Variants in FAM107B observed in about 807,000 individuals in gnomAD.
FAM107B encodes family with sequence similarity 107 member B.
A neutral mutation model predicts 31.5 loss-of-function variants in FAM107B; 21 were observed. The observed-to-expected ratio is 0.67, with a 90% CI of 0.47 to 0.96. The LOEUF (loss-of-function observed/expected upper bound fraction) is 0.96, where lower values mean the gene tolerates loss of function less well. FAM107B is among the 40% of genes least tolerant of loss of function. FAM107B has a pLI of 0.00. For missense variants in FAM107B, 452 were observed against 377.1 expected (o/e 1.20, Z -1.64); for synonymous variants, 157 against 141.5 (o/e 1.11, Z -0.78).
rs8563 is a variant in FAM107B, at chr10:14,519,501, G to A, written c.*1689C>T. ...TTCCATTCTTCGAAACCAAATTACT[G>A]TAGAGCAACAATTTTTCTTAAGCAT... On this transcript the variant is annotated 3_prime_UTR_variant, in exon 5 of 5. Coordinates refer to ENST00000181796, the MANE Select transcript of FAM107B (RefSeq NM_031453.4). The A allele has an allele frequency of 0.79, 120,109 of 152,182 alleles. 47,792 individuals are homozygous for A. Among genetic ancestry groups the A allele is most frequent in the South Asian group, 0.87 (4,226 of 4,830 alleles). 9.4% of individuals were successfully genotyped at this position (152,182 alleles called of 1,614,324 possible).
intron 1 of FAM107B, among the ~76,000 whole-genome samples, chr10:14,750,200 A>G (rs1290302193): frequency 1.3e-5 from 2 of 152,280 alleles, no homozygotes; most frequent in Non-Finnish European, 2.9e-5. Context: ...AGGTATCCCC[A>G]GAGACAACTG....
chr10:14,619,979 C>T (rs982206268), intron 2 of FAM107B, among the ~76,000 whole-genome samples: 1 of 149,966 alleles, frequency 6.7e-6, no homozygotes, highest in Admixed American at 6.7e-5. Flanking sequence ...ATCAGTTGAC[C>T]GTGTAAGTGT....
chr10:14,659,197 TTGGGAGGCTG>T (rs1181377874), intron 2 of FAM107B, among the ~76,000 whole-genome samples: 1 of 152,074 alleles, frequency 6.6e-6, no homozygotes, highest in Non-Finnish European at 1.5e-5. Context: ...TCCTAGCACT[TTGGGAGGCTG>T]AGGTGGGTGG....
chr10:14,693,677 T>C (rs1034842218), intron 1 of FAM107B, among the ~76,000 whole-genome samples: 4 of 152,146 alleles, frequency 2.6e-5, no homozygotes, highest in African/African-American at 9.7e-5. Context: ...ACAGTCTTCA[T>C]GTTGTACATA....
intron 1 of FAM107B, among the ~76,000 whole-genome samples, chr10:14,748,776 C>T (rs1275678944): frequency 6.6e-6 from 1 of 152,152 alleles, no homozygotes; most frequent in Admixed American, 6.5e-5. Context: ...CTGGTGACTC[C>T]ATTTCTATTG....
Position 14,730,237 on chromosome 10 carries a change from T to C in FAM107B, c.411+44016A>G, listed in dbSNP as rs1475131744. On this transcript the variant is annotated intron_variant, in intron 1 of 4. Coordinates refer to ENST00000181796, the MANE Select transcript of FAM107B (RefSeq NM_031453.4). ...TAAAAATATCTCTGAGGTGGTTTCA[T>C]ATCCGGAGATGGGAAATGGTCTGAG... 3.9e-5 allele frequency among the ~76,000 whole-genome samples: 6 copies of C among 152,226 alleles called. No homozygotes were observed. The East Asian group carries it at 1.2e-3, about 29-fold the overall frequency.
chr10:14,677,747 A>G (rs1437525366), intron 1 of FAM107B, among the ~76,000 whole-genome samples: 1 of 152,196 alleles, frequency 6.6e-6, no homozygotes, highest in Non-Finnish European at 1.5e-5. Flanking sequence ...GGGGTTCCCC[A>G]GGACGCAGGA....
At position 14,528,150 on chromosome 10, in the gene FAM107B, C is replaced by T. The variant is rs369622837; in HGVS notation, c.653+2182G>A. The stretch of plus-strand genomic sequence containing the variant: ...TTATTATGTTAAGCATTTTCATACA[C>T]GCTATTATTTACTTTAAGTTTTGGT... On this transcript the variant is annotated intron_variant, in intron 3 of 4. Coordinates refer to ENST00000181796, the MANE Select transcript of FAM107B (RefSeq NM_031453.4). The T allele has an allele frequency of 1.7e-3, 297 of 170,022 alleles. 2 individuals are homozygous for T. The highest frequency in any genetic ancestry group is 7.2e-3 in the African/African-American group (275 of 38,104). 10.5% of individuals were successfully genotyped at this position (170,022 alleles called of 1,614,324 possible).
intron 1 of FAM107B, among the ~76,000 whole-genome samples, chr10:14,695,250 A>G (rs971199695): frequency 7.9e-5 from 12 of 152,146 alleles, no homozygotes; most frequent in African/African-American, 2.9e-4. Context: ...CATTTACTGA[A>G]GAGACCCTCC....
intron 1 of FAM107B, among the ~76,000 whole-genome samples, chr10:14,751,196 G>T (rs996073225): frequency 1.3e-5 from 2 of 152,172 alleles, no homozygotes; most frequent in African/African-American, 4.8e-5. Context: ...CAGACACAAA[G>T]ACCCCACCCC....
At chr10:14,759,524 G>C (rs1832999988) in intron 1 of FAM107B, among the ~76,000 whole-genome samples, 1 of 152,106 alleles carries the variant, frequency 6.6e-6, no homozygotes, top group South Asian at 2.1e-4. Context: ...TTCTGTGTCT[G>C]ACTCTCCCAC....
At chr10:14,652,682 T>C (rs1853931914) in intron 2 of FAM107B, 1 of 152,212 alleles carries the variant, frequency 6.6e-6, no homozygotes, top group African/African-American at 2.4e-5. Flanking sequence ...AGCATTGTTA[T>C]TGCTATAGTA....
chr10:14,768,294 C>T (rs533593374), intron 1 of FAM107B, among the ~76,000 whole-genome samples: 2 of 152,188 alleles, frequency 1.3e-5, no homozygotes, highest in Non-Finnish European at 2.9e-5. Flanking sequence ...TAGAAAAATT[C>T]GTCCTAAAAT....
In FAM107B at chr10:14,745,994, GTA is replaced by G. The variant is rs141375789; in HGVS notation, c.411+28257_411+28258del. Among the ~76,000 whole-genome samples the G allele has an allele frequency of 2.6e-4, 39 of 151,494 alleles. No homozygotes were observed. In the South Asian group the frequency reaches 4.8e-3, roughly 19 times the overall value. ...GAATCTGGGTGCTCCTGTATTGAGT[GTA>G]TATATATATATGATAGCTCTTCTTG... On this transcript the variant is annotated intron_variant, in intron 1 of 4. Coordinates refer to ENST00000181796, the MANE Select transcript of FAM107B (RefSeq NM_031453.4).
chr10:14,606,788 G>C (rs990956555), intron 2 of FAM107B, among the ~76,000 whole-genome samples: 5 of 149,926 alleles, frequency 3.3e-5, no homozygotes, highest in African/African-American at 9.9e-5. Flanking sequence ...CAATGAAAAG[G>C]CCGCCAACTG....
At chr10:14,637,403 A>G (rs1853527952) in intron 2 of FAM107B, among the ~76,000 whole-genome samples, 1 of 152,176 alleles carries the variant, frequency 6.6e-6, no homozygotes, top group South Asian at 2.1e-4. Flanking sequence ...GGGAGGTTGA[A>G]GCAGGTGGAT....
chr10:14,521,895 A>G lies in FAM107B; in HGVS notation c.778T>C (p.Leu260=), dbSNP rs1420681084. The change falls in exon 4 of 5, where the codon TTA becomes CTA. Residue 260 remains leucine, a synonymous_variant. Transcript: ENST00000181796. The stretch of plus-strand genomic sequence containing the variant: ...TGCTCCAACTTCTGCTGCCGTTTTA[A>G]TAGCTCTATTTCCAAGTCAGATTTC... ...KKKSDLEIEL[L]KRQQKLEQLE... The G allele has an allele frequency of 2.5e-6, 4 of 1,613,970 alleles. No individual in the cohort carries two copies. The highest frequency in any genetic ancestry group is 3.3e-4 in the Middle Eastern group (2 of 6,082).
intron 1 of FAM107B, among the ~76,000 whole-genome samples, chr10:14,695,738 G>A (rs1211331485): frequency 1.3e-5 from 2 of 152,098 alleles, no homozygotes; most frequent in Admixed American, 6.5e-5. Flanking sequence ...CTTTCTTGAT[G>A]TTATCATAGA....
At chr10:14,637,907 C>T (rs1170485341) in intron 2 of FAM107B, among the ~76,000 whole-genome samples, 4 of 152,088 alleles carry the variant, frequency 2.6e-5, no homozygotes, top group African/African-American at 4.8e-5. Context: ...CAGTGGAGAC[C>T]TCAGCCTAGC....
Sources: gnomAD v4.1 joint callset for allele counts (sites outside exome capture counted in the v4.1 genomes callset) on GRCh38, gnomAD v4.1.1 for gene constraint, MANE v1.5 for transcripts, NCBI Gene and HGNC (gene_info 2026-07-23, HGNC 2026-07-21) for gene names.